Variants in MARCHF1 observed in about 807,000 individuals in gnomAD.
MARCHF1 encodes E3 ubiquitin-protein ligase MARCHF1.
Under a neutral mutation model 54.2 loss-of-function variants are expected in MARCHF1, and 40 were observed. The ratio of observed to expected loss-of-function variants is 0.74; its 90% confidence interval spans 0.57 to 0.96. MARCHF1 has a LOEUF of 0.96. MARCHF1 is among the 40% of genes least tolerant of loss of function. The pLI is 0.00. For synonymous variants in MARCHF1, 236 were observed against 236.3 expected, an observed-to-expected ratio of 1.00 and a Z score of 0.01; for missense variants, 586 against 656.5, an observed-to-expected ratio of 0.89 and a Z score of 1.17.
intron 3 of MARCHF1, among the ~76,000 whole-genome samples, chr4:163,903,373 GTTCA>G (rs1166697047): frequency 3.3e-5 from 5 of 152,078 alleles, no homozygotes; most frequent in African/African-American, 1.2e-4. Flanking sequence ...ATTAGAAATG[GTTCA>G]GTTTGTGATT....
chr4:164,024,852 T>C (rs1251655989), intron 2 of MARCHF1, among the ~76,000 whole-genome samples: 1 of 152,028 alleles, frequency 6.6e-6, no homozygotes, highest in Non-Finnish European at 1.5e-5. Context: ...ATCTCACATG[T>C]AGTGATAACC....
chr4:163,564,842 C>T (rs1234795998), intron 8 of MARCHF1, among the ~76,000 whole-genome samples: 1 of 151,962 alleles, frequency 6.6e-6, no homozygotes, highest in Non-Finnish European at 1.5e-5. Flanking sequence ...TTTAAATCAA[C>T]CACTCAGCAG....
At chr4:163,930,349 C>T (rs1181196089) in intron 3 of MARCHF1, among the ~76,000 whole-genome samples, 1 of 151,792 alleles carries the variant, frequency 6.6e-6, no homozygotes, top group Non-Finnish European at 1.5e-5. Context: ...TTGCTGATAC[C>T]TCAGAAATTG....
intron 5 of MARCHF1, among the ~76,000 whole-genome samples, chr4:163,663,268 C>T: frequency 6.7e-6 from 1 of 149,454 alleles, no homozygotes; most frequent in South Asian, 2.1e-4. Flanking sequence ...GTACATCCCA[C>T]TCAGGCCCAT....
intron 8 of MARCHF1, among the ~76,000 whole-genome samples, chr4:163,564,830 C>T (rs887905232): frequency 6.6e-6 from 1 of 152,024 alleles, no homozygotes. Context: ...TTGGGATTTT[C>T]CTTTAAATCA....
At chr4:163,771,062 T>C (rs1227636139) in intron 4 of MARCHF1, among the ~76,000 whole-genome samples, 1 of 152,262 alleles carries the variant, frequency 6.6e-6, no homozygotes, top group Non-Finnish European at 1.5e-5. Flanking sequence ...ATTATATTTT[T>C]TATAGAAAAA....
At chr4:163,991,163 T>C (rs1289998793) in intron 2 of MARCHF1, among the ~76,000 whole-genome samples, 1 of 152,206 alleles carries the variant, frequency 6.6e-6, no homozygotes, top group Non-Finnish European at 1.5e-5. Flanking sequence ...GTATTTTACA[T>C]GGTAAACAAG....
chr4:163,707,989 A>G (rs1213726782), intron 4 of MARCHF1, among the ~76,000 whole-genome samples: 1 of 151,768 alleles, frequency 6.6e-6, no homozygotes, highest in Non-Finnish European at 1.5e-5. Flanking sequence ...GGGAAACTAG[A>G]AGGCTAGAAA....
At chr4:163,647,284 A>G (rs1742797422) in intron 5 of MARCHF1, among the ~76,000 whole-genome samples, 1 of 152,056 alleles carries the variant, frequency 6.6e-6, no homozygotes, top group Non-Finnish European at 1.5e-5. Flanking sequence ...ATAGATCTGG[A>G]GGGAGAGATA....
chr4:163,757,417 T>C (rs755291634), intron 4 of MARCHF1, among the ~76,000 whole-genome samples: 1 of 152,178 alleles, frequency 6.6e-6, no homozygotes, highest in African/African-American at 2.4e-5. Context: ...TCCTGAACAT[T>C]AGCAATACTG....
At chr4:163,697,205 G>A (rs1236170358) in intron 5 of MARCHF1, among the ~76,000 whole-genome samples, 1 of 152,108 alleles carries the variant, frequency 6.6e-6, no homozygotes, top group Non-Finnish European at 1.5e-5. Context: ...GGGGGCTGAG[G>A]GTGTAGGCAA....
chr4:164,150,243 T>C (rs1729894130), intron 1 of MARCHF1, among the ~76,000 whole-genome samples: 3 of 152,198 alleles, frequency 2.0e-5, no homozygotes, highest in Non-Finnish European at 1.5e-5. Context: ...TTCAAGTAAT[T>C]TGTTACAAAC....
intron 8 of MARCHF1, among the ~76,000 whole-genome samples, chr4:163,559,387 T>C (rs1273405462): frequency 1.3e-5 from 2 of 151,890 alleles, no homozygotes; most frequent in Admixed American, 1.3e-4. Context: ...ATATAGGGAG[T>C]GGTTGGCGAT....
intron 5 of MARCHF1, among the ~76,000 whole-genome samples, chr4:163,670,049 A>G (rs912020002): frequency 1.3e-5 from 2 of 151,838 alleles, no homozygotes; most frequent in African/African-American, 2.4e-5. Context: ...GTCTGTAATT[A>G]CAAGCCACCA....
chr4:163,731,846 T>C (rs1390744855), intron 4 of MARCHF1, among the ~76,000 whole-genome samples: 13 of 152,184 alleles, frequency 8.5e-5, no homozygotes, highest in African/African-American at 3.1e-4. Context: ...TTTTTCCTAG[T>C]AATGGAGTCA....
intron 2 of MARCHF1, among the ~76,000 whole-genome samples, chr4:164,095,445 AGTC>A (rs1306414707): frequency 6.6e-6 from 1 of 151,762 alleles, no homozygotes; most frequent in African/African-American, 2.4e-5. Context: ...CACCAACCTT[AGTC>A]AAGTCATTTT....
At chr4:163,664,358 T>A (rs1437452236) in intron 5 of MARCHF1, among the ~76,000 whole-genome samples, 2 of 152,142 alleles carry the variant, frequency 1.3e-5, no homozygotes, top group Non-Finnish European at 1.5e-5. Context: ...AAATAATGTA[T>A]GCAGTTCATA....
At chr4:163,853,167 G>C (rs1277276262) in intron 4 of MARCHF1, among the ~76,000 whole-genome samples, 1 of 152,010 alleles carries the variant, frequency 6.6e-6, no homozygotes, top group Non-Finnish European at 1.5e-5. Flanking sequence ...TCAAATAATA[G>C]ACATTGTAAA....
At chr4:163,782,128 AT>A (rs1277911787) in intron 4 of MARCHF1, among the ~76,000 whole-genome samples, 40 of 147,126 alleles carry the variant, frequency 2.7e-4, no homozygotes, top group Non-Finnish European at 4.4e-4. Flanking sequence ...AAAAAAAAAA[AT>A]ATTAAATGGC....
Sources: gnomAD v4.1 joint callset for allele counts (sites outside exome capture counted in the v4.1 genomes callset) on GRCh38, gnomAD v4.1.1 for gene constraint, MANE v1.5 for transcripts, NCBI Gene and HGNC (gene_info 2026-07-23, HGNC 2026-07-21) for gene names.